DGKB: variants seen among roughly 807,000 people sequenced by gnomAD.
DGKB encodes 90 kDa diacylglycerol kinase.
In DGKB, 67 loss-of-function variants were observed where a neutral mutation model predicts 114.3. The ratio of observed to expected loss-of-function variants is 0.59; its 90% CI spans 0.48 to 0.72. DGKB has a LOEUF of 0.72. Among genes scored for constraint, DGKB ranks in the 30% least tolerant of loss-of-function variants. DGKB has a pLI of 0.00. For synonymous variants in DGKB, 398 were observed against 323.1 expected (o/e 1.23, Z -2.49); for missense variants, 907 against 975.2 (o/e 0.93, Z 0.93).
rs951407083 is a variant in DGKB, at chr7:14,147,917, T to C, written c.*1214A>G. The C allele has an allele frequency of 1.3e-5, 2 of 152,122 alleles. No individual in the cohort carries two copies. The highest frequency in any genetic ancestry group is 2.9e-5 in the Non-Finnish European group (2 of 67,984). 9.4% of individuals were successfully genotyped at this position (152,122 alleles called of 1,614,324 possible). On this transcript the variant is annotated 3_prime_UTR_variant, in exon 26 of 26. Transcript: ENST00000402815. ...GTTGTTTCCAAATAAACATTTGAAATGTCATAAAGATGGGAGTGGAGTAGG... is the reference window on the plus strand; with the variant it reads ...GTTGTTTCCAAATAAACATTTGAAACGTCATAAAGATGGGAGTGGAGTAGG...
chr7:14,899,454 C>T (rs1363538071), intron 1 of DGKB, among the ~76,000 whole-genome samples: 1 of 152,114 alleles, frequency 6.6e-6, no homozygotes, highest in Non-Finnish European at 1.5e-5. Flanking sequence ...CTCTACCCTA[C>T]ACACACACCC....
At chr7:14,773,470 G>C (rs1837710805) in intron 2 of DGKB, among the ~76,000 whole-genome samples, 1 of 152,088 alleles carries the variant, frequency 6.6e-6, no homozygotes, top group Non-Finnish European at 1.5e-5. Flanking sequence ...TACAGAGTCA[G>C]TGAATTTAAA....
chr7:14,704,279 CAAAA>C (rs59838670), intron 6 of DGKB, among the ~76,000 whole-genome samples: 52 of 103,592 alleles, frequency 5.0e-4, no homozygotes, highest in African/African-American at 1.7e-3. Context: ...ACTAAAAATA[CAAAA>C]AAAAAAAAAA....
In DGKB at chr7:14,841,342, G is replaced by C. The variant is rs1736464990; in HGVS notation, c.-79C>G. ...GTTGCGCAGAGGTCTATGCTTCAAA[G>C]ATTCCACATGGCATGTTTCATGATA... On this transcript the variant is annotated 5_prime_UTR_variant, in exon 2 of 26. In the 5' UTR this introduces an upstream ATG that the reference lacks. Coordinates refer to ENST00000402815, the MANE Select transcript of DGKB (RefSeq NM_001350709.2). 1 of 1,193,836 alleles carries C rather than the reference G, an allele frequency of 8.4e-7. No individual in the cohort carries two copies. Among genetic ancestry groups the C allele is most frequent in the African/African-American group, 1.5e-5 (1 of 65,400 alleles). 74.0% of individuals were successfully genotyped at this position (1,193,836 alleles called of 1,614,324 possible).
intron 20 of DGKB, among the ~76,000 whole-genome samples, chr7:14,561,570 T>A (rs1412303375): frequency 6.6e-6 from 1 of 151,986 alleles, no homozygotes; most frequent in Non-Finnish European, 1.5e-5. Flanking sequence ...CAGAAGATAG[T>A]GATATGGACA....
intron 2 of DGKB, among the ~76,000 whole-genome samples, chr7:14,823,086 C>T (rs1370211400): frequency 2.0e-5 from 3 of 151,382 alleles, no homozygotes; most frequent in Non-Finnish European, 4.4e-5. Context: ...CATACAATTA[C>T]AAAGAGTCTC....
intron 25 of DGKB, among the ~76,000 whole-genome samples, chr7:14,170,209 T>C (rs903495688): frequency 6.9e-6 from 1 of 145,590 alleles, no homozygotes; most frequent in Non-Finnish European, 1.5e-5. Flanking sequence ...AAGAAATACA[T>C]TAAGCCTCTG....
intron 21 of DGKB, among the ~76,000 whole-genome samples, chr7:14,419,054 G>T (rs566195804): frequency 6.6e-6 from 1 of 152,014 alleles, no homozygotes; most frequent in East Asian, 1.9e-4. Flanking sequence ...TTGTGATTGA[G>T]AGAGCAGAGA....
At chr7:14,562,669 G>A (rs1796839748) in intron 20 of DGKB, among the ~76,000 whole-genome samples, 1 of 152,058 alleles carries the variant, frequency 6.6e-6, no homozygotes, top group Non-Finnish European at 1.5e-5. Flanking sequence ...CTTCCCTTTT[G>A]TTTTGGACGA....
chr7:14,323,354 T>A (rs1207145691), intron 23 of DGKB, among the ~76,000 whole-genome samples: 2 of 152,158 alleles, frequency 1.3e-5, no homozygotes, highest in African/African-American at 2.4e-5. Context: ...TACATAGGTG[T>A]ATTGACTATC....
rs118013375 is a variant in DGKB, at chr7:14,443,085, T to C, written c.1835+35076A>G. On this transcript the variant is annotated intron_variant, in intron 21 of 25. Transcript: ENST00000402815. ...TATAACTGTCTAGTTTACTGCATAATAATATGTTGGATGTGTACTTATTTT... is the reference window on the plus strand; with the variant it reads ...TATAACTGTCTAGTTTACTGCATAACAATATGTTGGATGTGTACTTATTTT... 8.2e-3 allele frequency among the ~76,000 whole-genome samples: 1,250 copies of C among 152,320 alleles called. 14 individuals carry two copies. Among genetic ancestry groups the C allele is most frequent in the African/African-American group, 0.027 (1,108 of 41,580 alleles).
chr7:14,602,300 G>C (rs879693), intron 17 of DGKB, among the ~76,000 whole-genome samples: 92,243 of 151,946 alleles, frequency 0.61, 28,310 homozygotes, highest in African/African-American at 0.63. Flanking sequence ...AGATTTTTGA[G>C]TTGGTATTAA....
rs369884916 is a variant in DGKB, at chr7:14,211,532, T to TA, written c.2123-33382_2123-33381insT. Among the ~76,000 whole-genome samples, 36 of 12,688 alleles carry TA rather than the reference T, an allele frequency of 2.8e-3. 4 individuals are homozygous for TA. The highest frequency in any genetic ancestry group is 0.013 in the African/African-American group (16 of 1,260). 8.3% of individuals were successfully genotyped at this position (12,688 alleles called of 152,430 possible). A position where few individuals can be genotyped will look rare whatever the true frequency, so the allele number is the denominator to read the frequency against. ...GTGATTTTACTCTCATGTTTTGTGA[T>TA]TTTACTCTCATGTTTTGTGATATTT... On this transcript the variant is annotated intron_variant, in intron 23 of 25. Transcript: ENST00000402815.
At chr7:14,649,163 C>T (rs1248814271) in intron 13 of DGKB, among the ~76,000 whole-genome samples, 3 of 125,220 alleles carry the variant, frequency 2.4e-5, no homozygotes, top group East Asian at 2.4e-4. Context: ...AGATACTCCT[C>T]GAGAAGGGCA....
intron 23 of DGKB, among the ~76,000 whole-genome samples, chr7:14,182,631 T>A (rs1782808700): frequency 6.6e-6 from 1 of 152,154 alleles, no homozygotes; most frequent in African/African-American, 2.4e-5. Flanking sequence ...AAATAATTAG[T>A]GCTGCATTCA....
rs1161323916 is a variant in DGKB, at chr7:14,937,071, CACAT to C, written c.-188+37621_-188+37624del. Among the ~76,000 whole-genome samples the C allele has an allele frequency of 2.5e-3, 263 of 104,958 alleles. 1 individual carries two copies. The highest frequency in any genetic ancestry group is 6.9e-3 in the East Asian group (28 of 4,066). The allele number at this position is 104,958 out of a possible 152,430, so 68.9% of individuals were successfully genotyped here. ...ACACACACACACACACACACACACA[CACAT>C]CTTTTGTTAAATTTATAATTTTGCT... On this transcript the variant is annotated intron_variant, in intron 1 of 4. Coordinates refer to the DGKB transcript ENST00000437998.
intron 20 of DGKB, among the ~76,000 whole-genome samples, chr7:14,526,723 G>A (rs952185357): frequency 4.6e-5 from 7 of 152,198 alleles, no homozygotes; most frequent in Admixed American, 4.6e-4. Context: ...ATTTTCATCA[G>A]ACTGATTTTG....
intron 2 of DGKB, among the ~76,000 whole-genome samples, chr7:14,803,337 T>A (rs556615471): frequency 6.6e-6 from 1 of 152,278 alleles, no homozygotes; most frequent in Admixed American, 6.5e-5. Context: ...TAAAACCCTC[T>A]TTTTCCTTAG....
intron 2 of DGKB, among the ~76,000 whole-genome samples, chr7:14,762,130 CTTT>C (rs1282871840): frequency 1.3e-5 from 2 of 152,136 alleles, no homozygotes; most frequent in Non-Finnish European, 2.9e-5. Flanking sequence ...AATGGGCTGT[CTTT>C]TTCATCACTG....
Sources: allele counts gnomAD v4.1 joint callset (sites outside exome capture counted in the v4.1 genomes callset), GRCh38; gene constraint gnomAD v4.1.1; transcripts MANE v1.5; gene names NCBI Gene and HGNC (gene_info 2026-07-23, HGNC 2026-07-21).